CCDC88B: variants seen among roughly 807,000 people sequenced by gnomAD.
CCDC88B encodes the protein coiled-coil domain-containing protein 88B.
In CCDC88B, 138 loss-of-function variants were observed where a neutral mutation model predicts 183.7. That is an observed-to-expected ratio of 0.75 (90% CI 0.65 to 0.87). The LOEUF (loss-of-function observed/expected upper bound fraction) is 0.87, where lower values mean the gene tolerates loss of function less well. Ranked by LOEUF, CCDC88B falls within the 40% of genes least tolerant of loss-of-function variation. The pLI is 0.00. For missense variants in CCDC88B, 1,822 were observed against 1,965.6 expected, an observed-to-expected ratio of 0.93 and a Z score of 1.38; for synonymous variants, 835 against 867.5, an observed-to-expected ratio of 0.96 and a Z score of 0.66.
At chr11:64,355,438 A>G (rs1223791680) in intron 25 of CCDC88B, 38 bp downstream of exon 25, 1 of 1,582,352 alleles carries the variant, frequency 6.3e-7, no homozygotes, top group Admixed American at 1.8e-5. Context: ...CAGCCCCCCA[A>G]CTCTTTGTGG....
Position 64,343,561 on chromosome 11 carries a change from C to CT in CCDC88B, c.1265dup (p.Glu423GlyfsTer30). 1 of 1,551,910 alleles carries CT rather than the reference C, an allele frequency of 6.4e-7. No homozygotes were observed. The highest frequency in any genetic ancestry group is 2.0e-5 in the Admixed American group (1 of 51,032). On this transcript the variant is annotated frameshift_variant, in exon 12 of 27. Transcript: ENST00000356786. LOFTEE classifies it high-confidence loss of function. ...CCAGCTGGCTGAGGAGAATGTGGAG[C>CT]TGGAGCTGGAGCTTCAGCGGAGCTT... is the stretch of plus-strand genomic sequence containing the variant.
At position 64,353,121 on chromosome 11, in the gene CCDC88B, CG is replaced by C; in HGVS notation, c.3572del (p.Gly1191AlafsTer29). 6.2e-7 allele frequency: 1 copy of C among 1,605,990 alleles called. No homozygotes were observed. The highest frequency in any genetic ancestry group is 8.5e-7 in the Non-Finnish European group (1 of 1,177,132). On this transcript the variant is annotated frameshift_variant, in exon 21 of 27. Coordinates refer to ENST00000356786, the MANE Select transcript of CCDC88B (RefSeq NM_032251.6). LOFTEE classifies it high-confidence loss of function. The part of the protein sequence containing the change: ...GELQGERGEL[R>X]GRLARLELER... ...GCTGCAGGGTGAACGCGGGGAGCTA[CG>C]GGGCCGGCTGGCGCGGCTGGAGCTG... is the stretch of plus-strand genomic sequence containing the variant.
chr11:64,350,270 T>A (rs1240207132), intron 16 of CCDC88B: 3 of 155,012 alleles, frequency 1.9e-5, no homozygotes, highest in Non-Finnish European at 2.9e-5. Context: ...CAGCAGCTCA[T>A]GCCTGTAATC....
chr11:64,345,117 A>C lies in CCDC88B; in HGVS notation c.2576A>C (p.Glu859Ala), dbSNP rs1326535108. 2.3e-5 allele frequency: 36 copies of C among 1,550,144 alleles called. No individual in the cohort carries two copies. Among genetic ancestry groups the C allele is most frequent in the Admixed American group, 5.8e-5 (3 of 51,798 alleles). The change falls in exon 14 of 27, where the codon GAG becomes GCG. Residue 859 changes from glutamate (E) to alanine (A), a missense_variant. Coordinates refer to ENST00000356786, the MANE Select transcript of CCDC88B (RefSeq NM_032251.6). ...AGCGAGGGCCGCCAGCACTTGGAGG[A>C]GGCTGAGAGGGAGCGCCGGGAGAAG... ...LESEGRQHLEEAERERREKEA... is the reference protein window; with the variant it reads ...LESEGRQHLEAAERERREKEA...
intron 26 of CCDC88B, chr11:64,355,910 GAGAC>G (rs2036532215): frequency 2.9e-6 from 1 of 339,396 alleles, no homozygotes; most frequent in South Asian, 7.0e-5. Context: ...AAAGTGAAAA[GAGAC>G]AGGTACAATG....
rs1293991237 is a variant in CCDC88B, at chr11:64,351,194, A to G, written c.2897A>G (p.Lys966Arg). ...GGCCCCGCGGGGCTGGGGCCCAAAA[A>G]GCGTGCGGAGCCTCAGCTGGTGGAG... ...RQGPAGLGPK[K>R]RAEPQLVETQ... is the part of the protein sequence containing the mutation. Residue 966 changes from lysine to arginine, a missense_variant, in exon 17 of 27, where the codon AAG becomes AGG. Lys to Arg is a conservative substitution (Grantham distance 26). Transcript: ENST00000356786. 37 of 1,515,258 alleles carry G rather than the reference A, an allele frequency of 2.4e-5. No homozygotes were observed. The allele number at this position is 1,515,258 out of a possible 1,614,324, so 93.9% of individuals were successfully genotyped here. A position where few individuals can be genotyped will look rare whatever the true frequency, so the allele number is the denominator to read the frequency against.
At position 64,343,220 on chromosome 11, in the gene CCDC88B, G is replaced by T; in HGVS notation, c.1104G>T (p.Ala368=). The change falls in exon 11 of 27, where the codon GCG becomes GCT. Residue 368 remains alanine (A), a synonymous_variant. Transcript: ENST00000356786. The part of the protein sequence containing the change: ...VLSGVLEASK[A]LLEEQLEAAR... ...CGGGGGTGCTGGAGGCGTCCAAGGC[G>T]CTGCTGGAAGAGCAGCTGGAGGCTG... is the stretch of plus-strand genomic sequence containing the variant. 1.9e-6 allele frequency: 3 copies of T among 1,545,522 alleles called. No individual in the cohort carries two copies. The highest frequency in any genetic ancestry group is 2.6e-6 in the Non-Finnish European group (3 of 1,145,888).
intron 20 of CCDC88B, 61 bp downstream of exon 20, chr11:64,352,948 G>A: frequency 6.6e-7 from 1 of 1,513,156 alleles, no homozygotes; most frequent in East Asian, 2.4e-5. Flanking sequence ...AGTGGGTTGG[G>A]GGTGTGGGGT....
chr11:64,349,241 A>T, intron 14 of CCDC88B, 90 bp from the exon 15 acceptor site: 1 of 1,444,476 alleles, frequency 6.9e-7, no homozygotes, highest in Non-Finnish European at 9.2e-7. Flanking sequence ...TGGCAGGTCA[A>T]GGACAGAAAG....
intron 14 of CCDC88B, 33 bp downstream of exon 14, chr11:64,345,190 G>C: frequency 6.5e-7 from 1 of 1,531,572 alleles, no homozygotes; most frequent in Non-Finnish European, 8.7e-7. Flanking sequence ...GCTGGGGTTG[G>C]GAAGCAGAGT....
chr11:64,352,489 C>G, intron 19 of CCDC88B, 103 bp downstream of exon 19: 1 of 1,428,218 alleles, frequency 7.0e-7, no homozygotes, highest in East Asian at 2.5e-5. Context: ...ACCTCCACCT[C>G]CGCTCTGTGA....
At chr11:64,349,169 C>A in intron 14 of CCDC88B, 162 bp from the exon 15 acceptor site, 2 of 866,156 alleles carry the variant, frequency 2.3e-6, no homozygotes, top group Non-Finnish European at 3.7e-6. Flanking sequence ...GGGCCCCAGG[C>A]TTTGCTCCCA....
At position 64,340,732 on chromosome 11, in the gene CCDC88B, C is replaced by T. The variant is rs141102548; in HGVS notation, c.186C>T (p.Leu62=). 1.2e-6 allele frequency: 2 copies of T among 1,611,350 alleles called. No individual in the cohort carries two copies. The highest frequency in any genetic ancestry group is 1.3e-5 in the African/African-American group (1 of 74,858). The change falls in exon 2 of 27, where the codon CTC becomes CTT. Residue 62 remains leucine (L), a synonymous_variant. Transcript: ENST00000356786. ...RFLRLSDGAL[L]LRVLGIIAPS... ...TGCGCCTCAGCGATGGGGCCCTGCT[C>T]CTCCGGGTGCTGGGCATCATGTAAG...
In CCDC88B at chr11:64,353,507, CG is replaced by C. The variant is rs1565058516; in HGVS notation, c.3833+12del. 1.2e-6 allele frequency: 2 copies of C among 1,608,414 alleles called. No individual in the cohort carries two copies. The highest frequency in any genetic ancestry group is 2.0e-4 in the Middle Eastern group (1 of 5,112). On this transcript the variant is annotated intron_variant, in intron 22 of 26. Coordinates refer to ENST00000356786, the MANE Select transcript of CCDC88B (RefSeq NM_032251.6). ...ACAGCGGGAGTACCTGTGAGTGGGC[CG>C]CCTGGGAGCGGGGTGGGGCCTGCAT...
At chr11:64,346,988 G>T (rs1036617939) in intron 14 of CCDC88B, among the ~76,000 whole-genome samples, 1 of 151,222 alleles carries the variant, frequency 6.6e-6, no homozygotes, top group African/African-American at 2.4e-5. Context: ...TAGAGACAGG[G>T]TTTCACCATG....
chr11:64,352,952 G>T (rs1678883788), intron 20 of CCDC88B, 65 bp downstream of exon 20: 1 of 1,510,318 alleles, frequency 6.6e-7, no homozygotes, highest in Middle Eastern at 2.2e-4. Flanking sequence ...GGTTGGGGGT[G>T]TGGGGTCCTG....
chr11:64,351,658 C>T, intron 18 of CCDC88B, 42 bp downstream of exon 18: 3 of 1,512,542 alleles, frequency 2.0e-6, no homozygotes, highest in Non-Finnish European at 2.6e-6. Context: ...CATGTACTGC[C>T]CCCTCCTGCT....
chr11:64,346,555 C>G (rs1243658648), intron 14 of CCDC88B, among the ~76,000 whole-genome samples: 1 of 152,180 alleles, frequency 6.6e-6, no homozygotes, highest in South Asian at 2.1e-4. Flanking sequence ...ATTCTCCTGC[C>G]TCAGCCTCCG....
At chr11:64,356,043 T>A (rs2036536902) in intron 26 of CCDC88B, 1 of 152,094 alleles carries the variant, frequency 6.6e-6, no homozygotes, top group Non-Finnish European at 1.5e-5. Context: ...TGAGATGGAA[T>A]TTCACTCTTT....
Sources: gnomAD v4.1 joint callset for allele counts (sites outside exome capture counted in the v4.1 genomes callset) on GRCh38, gnomAD v4.1.1 for gene constraint, MANE v1.5 for transcripts, NCBI Gene and HGNC (gene_info 2026-07-23, HGNC 2026-07-21) for gene names.